The following MCTP2 variants were observed in gnomAD, a reference collection of about 807,000 sequenced individuals.
MCTP2 encodes multiple C2 and transmembrane domain-containing protein 2.
A neutral mutation model predicts 111.6 loss-of-function variants in MCTP2; 132 were observed. The observed-to-expected ratio is 1.18, with a 90% confidence interval of 1.03 to 1.37. The LOEUF (loss-of-function observed/expected upper bound fraction) is 1.37. MCTP2 is among the 40% of genes most tolerant of loss of function. MCTP2 has a pLI of 0.00. For synonymous variants in MCTP2, 395 were observed against 387.7 expected (o/e 1.02, Z -0.22); for missense variants, 1,183 against 1,067.9 (o/e 1.11, Z -1.50).
intron 2 of MCTP2, among the ~76,000 whole-genome samples, chr15:94,306,244 A>G (rs1171831840): frequency 6.6e-6 from 1 of 152,228 alleles, no homozygotes; most frequent in Non-Finnish European, 1.5e-5. Context: ...GGGGCTAGAA[A>G]AATATGAAGG....
At chr15:94,420,315 T>TA (rs2082567095) in intron 17 of MCTP2, among the ~76,000 whole-genome samples, 1 of 152,196 alleles carries the variant, frequency 6.6e-6, no homozygotes, top group Non-Finnish European at 1.5e-5. Flanking sequence ...TCATGCCTGC[T>TA]AACATAACAT....
At chr15:94,470,992 G>C (rs2073879268) in intron 21 of MCTP2, among the ~76,000 whole-genome samples, 1 of 152,176 alleles carries the variant, frequency 6.6e-6, no homozygotes, top group South Asian at 2.1e-4. Context: ...AGGGGAAATG[G>C]TGTGCCTACA....
chr15:94,302,464 C>T (rs1182379519), intron 2 of MCTP2, among the ~76,000 whole-genome samples: 1 of 152,204 alleles, frequency 6.6e-6, no homozygotes, highest in Non-Finnish European at 1.5e-5. Context: ...ATGTGAAAAA[C>T]AGGACAGGCA....
chr15:94,309,055 T>A (rs965432566), intron 2 of MCTP2, among the ~76,000 whole-genome samples: 1 of 152,218 alleles, frequency 6.6e-6, no homozygotes, highest in Admixed American at 6.5e-5. Context: ...GATTGTATGA[T>A]CCATAACCTC....
intron 17 of MCTP2, among the ~76,000 whole-genome samples, chr15:94,434,866 T>C (rs2083383601): frequency 1.5e-5 from 2 of 131,704 alleles, no homozygotes; most frequent in African/African-American, 5.6e-5. Context: ...TCTTTTTTTT[T>C]TTCTTTTTTT....
intron 8 of MCTP2, among the ~76,000 whole-genome samples, chr15:94,350,993 T>C (rs548122372): frequency 1.3e-5 from 2 of 152,180 alleles, no homozygotes; most frequent in East Asian, 3.9e-4. Flanking sequence ...CTTCTCTTAA[T>C]CTATTTTTAT....
At chr15:94,276,107 G>A (rs2074193482) in intron 1 of MCTP2, among the ~76,000 whole-genome samples, 1 of 152,098 alleles carries the variant, frequency 6.6e-6, no homozygotes, top group Non-Finnish European at 1.5e-5. Flanking sequence ...GCCTCCCAAA[G>A]TGCTGGGATT....
intron 1 of MCTP2, among the ~76,000 whole-genome samples, chr15:94,275,882 C>G (rs1186941790): frequency 7.1e-6 from 1 of 140,450 alleles, no homozygotes; most frequent in Non-Finnish European, 1.5e-5. Context: ...GAGTCTCGCT[C>G]TGTTTCCCAG....
chr15:94,439,166 G>A (rs1009972603), intron 17 of MCTP2, among the ~76,000 whole-genome samples: 3 of 151,964 alleles, frequency 2.0e-5, no homozygotes, highest in African/African-American at 7.2e-5. Flanking sequence ...TTTACAATGG[G>A]CACCAAAAAA....
intron 1 of MCTP2, among the ~76,000 whole-genome samples, chr15:94,249,052 G>T (rs2072219234): frequency 6.6e-6 from 1 of 152,110 alleles, no homozygotes; most frequent in South Asian, 2.1e-4. Flanking sequence ...TGTACTGATT[G>T]TTCTCTCTCT....
At chr15:94,389,981 A>G (rs2080777747) in intron 14 of MCTP2, among the ~76,000 whole-genome samples, 1 of 150,432 alleles carries the variant, frequency 6.6e-6, no homozygotes. Context: ...ATCAAGGTGA[A>G]TGTGCTGACT....
At chr15:94,271,644 A>C (rs1563363) in intron 1 of MCTP2, among the ~76,000 whole-genome samples, 1 of 152,180 alleles carries the variant, frequency 6.6e-6, no homozygotes. Context: ...GATAAATGGT[A>C]TAATATACTT....
intron 17 of MCTP2, among the ~76,000 whole-genome samples, chr15:94,436,968 A>G (rs1049154275): frequency 1.3e-4 from 20 of 151,976 alleles, no homozygotes; most frequent in African/African-American, 4.3e-4. Flanking sequence ...ACTTTTTGCT[A>G]TGTTTTATTT....
chr15:94,250,418 G>A (rs1464946670), intron 1 of MCTP2, among the ~76,000 whole-genome samples: 4 of 152,154 alleles, frequency 2.6e-5, no homozygotes, highest in African/African-American at 7.2e-5. Context: ...CATGTCGTGA[G>A]CACGTATTGA....
chr15:94,442,307 C>T (rs1427536876), intron 18 of MCTP2, among the ~76,000 whole-genome samples: 2 of 152,254 alleles, frequency 1.3e-5, no homozygotes, highest in East Asian at 1.9e-4. Flanking sequence ...TAAACAAGGC[C>T]GTTAGCAGTA....
At chr15:94,438,118 A>T (rs1169953429) in intron 17 of MCTP2, among the ~76,000 whole-genome samples, 1 of 152,120 alleles carries the variant, frequency 6.6e-6, no homozygotes, top group Non-Finnish European at 1.5e-5. Flanking sequence ...AATATATTTG[A>T]TTACGTAAAA....
chr15:94,303,131 T>TTA (rs373687041), intron 2 of MCTP2, among the ~76,000 whole-genome samples: 19,766 of 142,256 alleles, frequency 0.14, 1,669 homozygotes, highest in Non-Finnish European at 0.2. Flanking sequence ...TATATATAGT[T>TTA]TATATATATA....
intron 10 of MCTP2, among the ~76,000 whole-genome samples, chr15:94,363,721 G>A (rs2079050805): frequency 6.6e-6 from 1 of 151,970 alleles, no homozygotes; most frequent in African/African-American, 2.4e-5. Context: ...TGTTGCAGTG[G>A]AGCTCCTATT....
chr15:94,309,037 T>C (rs2076012547), intron 2 of MCTP2, among the ~76,000 whole-genome samples: 1 of 152,212 alleles, frequency 6.6e-6, no homozygotes, highest in Non-Finnish European at 1.5e-5. Flanking sequence ...ATTAAATTTA[T>C]ACACCTTGAT....
Sources: gnomAD v4.1 joint callset for allele counts (sites outside exome capture counted in the v4.1 genomes callset) on GRCh38, gnomAD v4.1.1 for gene constraint, MANE v1.5 for transcripts, NCBI Gene and HGNC (gene_info 2026-07-23, HGNC 2026-07-21) for gene names.